APRT: variants seen among roughly 807,000 people sequenced by gnomAD.
APRT encodes adenine phosphoribosyltransferase, also known as AMP diphosphorylase.
APRT carries 25 observed loss-of-function variants against 21.0 expected under a neutral mutation model. The observed-to-expected ratio is 1.19, with a 90% CI of 0.87 to 1.66. The LOEUF (loss-of-function observed/expected upper bound fraction) is 1.66. Among genes scored for constraint, APRT ranks in the 40% most tolerant of loss-of-function variants. The pLI is 0.00. For missense variants in APRT, 294 were observed against 232.7 expected, an observed-to-expected ratio of 1.26 and a Z score of -1.72; for synonymous variants, 153 against 109.0, an observed-to-expected ratio of 1.40 and a Z score of -2.52.
In APRT at chr16:88,809,423, TCCTGGGGCTCCCTGC is replaced by T. The variant is rs1450834856; in HGVS notation, c.*260_*274del. 1 of 579,234 alleles carries T rather than the reference TCCTGGGGCTCCCTGC, an allele frequency of 1.7e-6. No individual in the cohort carries two copies. The highest frequency in any genetic ancestry group is 1.5e-5 in the South Asian group (1 of 65,712). The allele number at this position is 579,234 out of a possible 1,614,324, so 35.9% of individuals were successfully genotyped here. ...ACAGTACAGCTGAAGTCTGGTGTTG[TCCTGGGGCTCCCTGC>T]CCTGGGGAACAGGAGGACAGGAGAC... On this transcript the variant is annotated 3_prime_UTR_variant, in exon 5 of 5. Transcript: ENST00000378364.
In APRT at chr16:88,809,800, C is replaced by T. The variant is rs781123799; in HGVS notation, c.441G>A (p.Gln147=). ...NAACELLGRL[Q]AEVLECVSLV... Reference sequence around the variant, plus strand: ...GGCTCACGCACTCCAGGACCTCAGCCTGCAGGCGGCCCAGCAGCTCACAGG... The same window carrying T: ...GGCTCACGCACTCCAGGACCTCAGCTTGCAGGCGGCCCAGCAGCTCACAGG... Residue 147 remains glutamine, a synonymous_variant, in exon 5 of 5, where the codon CAG becomes CAA. Coordinates refer to ENST00000378364, the MANE Select transcript of APRT (RefSeq NM_000485.3). The T allele has an allele frequency of 1.2e-6, 2 of 1,613,106 alleles. No individual in the cohort carries two copies. The highest frequency in any genetic ancestry group is 4.5e-5 in the East Asian group (2 of 44,888).
At chr16:88,811,460 C>T in intron 2 of APRT, 90 bp downstream of exon 2, 11 of 1,368,720 alleles carry the variant, frequency 8.0e-6, no homozygotes, top group Non-Finnish European at 1.1e-5. Flanking sequence ...ACCCCAAAGG[C>T]CCTCCCCCAA....
At chr16:88,810,392 G>A in intron 3 of APRT, 31 bp downstream of exon 3, 1 of 1,609,454 alleles carries the variant, frequency 6.2e-7, no homozygotes, top group South Asian at 1.1e-5. Flanking sequence ...GCCTGGCCCT[G>A]CCCTTCCTCT....
intron 4 of APRT, 42 bp from the exon 5 acceptor site, chr16:88,809,882 A>C (rs750471263): frequency 6.2e-7 from 1 of 1,604,236 alleles, no homozygotes; most frequent in East Asian, 2.2e-5. Flanking sequence ...CCTGGGCTGC[A>C]GAGAGCAGGT....
intron 2 of APRT, among the ~76,000 whole-genome samples, chr16:88,811,010 G>A (rs1465217788): frequency 6.6e-6 from 1 of 152,170 alleles, no homozygotes; most frequent in East Asian, 1.9e-4. Flanking sequence ...GGGAGCTCTG[G>A]CAGTGTTGTG....
intron 4 of APRT, 111 bp downstream of exon 4, chr16:88,809,959 C>T (rs370273203): frequency 1.3e-6 from 2 of 1,567,830 alleles, no homozygotes; most frequent in Non-Finnish European, 1.7e-6. Context: ...GCCTGGCCAC[C>T]AGGCACCCTC....
chr16:88,811,887 C>T lies in APRT; in HGVS notation c.13G>A (p.Glu5Lys). The T allele has an allele frequency of 1.9e-6, 3 of 1,557,358 alleles. No homozygotes were observed. The highest frequency in any genetic ancestry group is 2.6e-6 in the Non-Finnish European group (3 of 1,153,568). MADS[E>K]LQLVEQRIRS... is the part of the protein sequence containing the mutation. Reference sequence around the variant, plus strand: ...ATCCGCTGCTCAACCAGCTGCAGCTCGGAGTCGGCCATGGCCGCGTGCGAA... The same window carrying T: ...ATCCGCTGCTCAACCAGCTGCAGCTTGGAGTCGGCCATGGCCGCGTGCGAA... Residue 5 changes from glutamate to lysine, a missense_variant, in exon 1 of 5, where the codon GAG becomes AAG. By Grantham distance (56) the Glu-to-Lys change is moderately conservative. Coordinates refer to ENST00000378364, the MANE Select transcript of APRT (RefSeq NM_000485.3).
chr16:88,810,257 AC>A (rs1567504761), intron 3 of APRT, 109 bp from the exon 4 acceptor site: 2 of 1,505,032 alleles, frequency 1.3e-6, no homozygotes, highest in South Asian at 1.1e-5. Flanking sequence ...CCTTGCTGTT[AC>A]CTGGCTGTGT....
rs1164516602 is a variant in APRT, at chr16:88,809,646, C to CTGA, written c.*49_*51dup. 6.2e-7 allele frequency: 1 copy of CTGA among 1,611,758 alleles called. No homozygotes were observed. The highest frequency in any genetic ancestry group is 8.5e-7 in the Non-Finnish European group (1 of 1,179,232). On this transcript the variant is annotated 3_prime_UTR_variant, in exon 5 of 5. Coordinates refer to ENST00000378364, the MANE Select transcript of APRT (RefSeq NM_000485.3). ...CCCTGGTCACTGCAGTTGCCCAAGG[C>CTGA]TGATATTTCCCTGGGATCCAGCTGG...
chr16:88,809,862 C>A, intron 4 of APRT, 22 bp from the exon 5 acceptor site: 1 of 1,607,966 alleles, frequency 6.2e-7, no homozygotes, highest in Admixed American at 1.7e-5. Flanking sequence ...AGGGTGAGGT[C>A]CCCAGTTGGC....
rs761438940 is a variant in APRT, at chr16:88,809,758, C to G, written c.483G>C (p.Ser161=). ...LECVSLVELT[S]LKGREKLAPV... is the part of the protein sequence containing the mutation. The stretch of plus-strand genomic sequence containing the variant: ...GTGCCAGCTTCTCCCTGCCCTTAAG[C>G]GAGGTCAGCTCCACCAGGCTCACGC... The change falls in exon 5 of 5, where the codon TCG becomes TCC. Residue 161 remains serine, a synonymous_variant. Coordinates refer to ENST00000378364, the MANE Select transcript of APRT (RefSeq NM_000485.3). 5 of 1,613,382 alleles carry G rather than the reference C, an allele frequency of 3.1e-6. No homozygotes were observed. Among genetic ancestry groups the G allele is most frequent in the Middle Eastern group, 3.3e-4 (2 of 6,060 alleles).
chr16:88,809,653 T>C lies in APRT; in HGVS notation c.*45A>G, dbSNP rs1197055950. Reference sequence around the variant, plus strand: ...CACTGCAGTTGCCCAAGGCTGATATTTCCCTGGGATCCAGCTGGAGATGTT... The same window carrying C: ...CACTGCAGTTGCCCAAGGCTGATATCTCCCTGGGATCCAGCTGGAGATGTT... On this transcript the variant is annotated 3_prime_UTR_variant, in exon 5 of 5. Transcript: ENST00000378364. 6.2e-7 allele frequency: 1 copy of C among 1,612,428 alleles called. No individual in the cohort carries two copies. Among genetic ancestry groups the C allele is most frequent in the Non-Finnish European group, 8.5e-7 (1 of 1,179,580 alleles).
At chr16:88,810,896 G>A (rs1021852831) in intron 2 of APRT, among the ~76,000 whole-genome samples, 2 of 152,118 alleles carry the variant, frequency 1.3e-5, no homozygotes, top group African/African-American at 4.8e-5. Flanking sequence ...TCTAAAAAGG[G>A]AGTCTCTCGA....
Position 88,811,906 on chromosome 16 carries a change from G to C in APRT, c.-7C>G. The C allele has an allele frequency of 1.9e-6, 3 of 1,546,196 alleles. No homozygotes were observed. Among genetic ancestry groups the C allele is most frequent in the Non-Finnish European group, 2.6e-6 (3 of 1,148,384 alleles). The stretch of plus-strand genomic sequence containing the variant: ...GCAGCTCGGAGTCGGCCATGGCCGC[G>C]TGCGAAGAGCCAGCGGCAGCCCGAG... On this transcript the variant is annotated 5_prime_UTR_variant, in exon 1 of 5. Coordinates refer to ENST00000378364, the MANE Select transcript of APRT (RefSeq NM_000485.3).
At chr16:88,810,684 GT>G in intron 2 of APRT, 128 bp from the exon 3 acceptor site, 1 of 1,263,276 alleles carries the variant, frequency 7.9e-7, no homozygotes, top group Non-Finnish European at 1.1e-6. Context: ...TTTAAGGAAT[GT>G]TACCCATCAC....
At chr16:88,810,010 C>T in intron 4 of APRT, 60 bp downstream of exon 4, 1 of 1,593,992 alleles carries the variant, frequency 6.3e-7, no homozygotes, top group East Asian at 2.2e-5. Context: ...ACAGCGAGGT[C>T]CTGTCCCACT....
At chr16:88,811,219 T>C (rs1909123267) in intron 2 of APRT, 1 of 481,508 alleles carries the variant, frequency 2.1e-6, no homozygotes, top group African/African-American at 2.0e-5. Context: ...TGGCAGGCGC[T>C]CAATACCAGC....
chr16:88,811,879 C>T lies in APRT; in HGVS notation c.21G>A (p.Gln7=). The change falls in exon 1 of 5, where the codon CAG becomes CAA. Residue 7 remains glutamine, a synonymous_variant. Transcript: ENST00000378364. ...AGCTGCGGATCCGCTGCTCAACCAG[C>T]TGCAGCTCGGAGTCGGCCATGGCCG... MADSEL[Q]LVEQRIRSFP... 6.4e-7 allele frequency: 1 copy of T among 1,563,064 alleles called. No homozygotes were observed. Among genetic ancestry groups the T allele is most frequent in the Non-Finnish European group, 8.6e-7 (1 of 1,156,386 alleles).
In APRT at chr16:88,811,261, G is replaced by T. The variant is rs369547094; in HGVS notation, c.187+289C>A. 27 of 524,820 alleles carry T rather than the reference G, an allele frequency of 5.1e-5. No individual in the cohort carries two copies. The East Asian group carries it at 5.9e-4, about 11-fold the overall frequency. 32.5% of individuals were successfully genotyped at this position (524,820 alleles called of 1,614,324 possible). ...AAGGAACAAGAAGCAAGGCAGCTGGGCCCTGTGGATTCAGCTTGGGCACTC... is the reference window on the plus strand; with the variant it reads ...AAGGAACAAGAAGCAAGGCAGCTGGTCCCTGTGGATTCAGCTTGGGCACTC... On this transcript the variant is annotated intron_variant, in intron 2 of 4. Coordinates refer to ENST00000378364, the MANE Select transcript of APRT (RefSeq NM_000485.3).
Sources: allele counts gnomAD v4.1 joint callset (sites outside exome capture counted in the v4.1 genomes callset), GRCh38; gene constraint gnomAD v4.1.1; transcripts MANE v1.5; gene names NCBI Gene and HGNC (gene_info 2026-07-23, HGNC 2026-07-21).